The following DUS4L variants were observed in gnomAD, a reference collection of about 807,000 sequenced individuals.
DUS4L encodes dihydrouridine synthase 4 like.
A neutral mutation model predicts 33.8 loss-of-function variants in DUS4L; 31 were observed. The ratio of observed to expected loss-of-function variants is 0.92; its 90% CI spans 0.69 to 1.24. DUS4L has a LOEUF of 1.24. Among genes scored for constraint, DUS4L ranks in the 50% most tolerant of loss-of-function variants. The probability of loss-of-function intolerance (pLI) is 0.00; values close to 1 mark genes in which losing one functional copy is unlikely to be tolerated. For missense variants in DUS4L, 368 were observed against 388.6 expected (o/e 0.95, Z 0.45); for synonymous variants, 103 against 120.3 (o/e 0.86, Z 0.94).
chr7:107,575,144 C>T, intron 5 of DUS4L, 44 bp from the exon 6 acceptor site: 2 of 1,606,002 alleles, frequency 1.2e-6, no homozygotes, highest in Non-Finnish European at 1.7e-6. Flanking sequence ...GTCTTCTCTT[C>T]CAGTTATTTA....
chr7:107,576,871 C>T, intron 7 of DUS4L: 1 of 333,090 alleles, frequency 3.0e-6, no homozygotes, highest in Non-Finnish European at 5.4e-6. Flanking sequence ...TAAAATAAAG[C>T]ACCTAGAAAT....
rs1805643075 is a variant in DUS4L at position 107,575,465 on chromosome 7, A to G, written c.479+155A>G. ...AAAATAAGACATTTAGTAAAAGAAT[A>G]TATACCATAATTTTCATTTATAGTC... is the stretch of plus-strand genomic sequence containing the variant. On this transcript the variant is annotated intron_variant, in intron 6 of 7. Transcript: ENST00000265720. The G allele has an allele frequency of 5.3e-6, 4 of 754,914 alleles. No individual in the cohort carries two copies. In the South Asian group the frequency reaches 7.7e-5, roughly 15 times the overall value. 46.8% of individuals were successfully genotyped at this position (754,914 alleles called of 1,614,324 possible).
At chr7:107,569,406 TTAGCTATTC>T (rs1804997516) in intron 3 of DUS4L, among the ~76,000 whole-genome samples, 1 of 152,230 alleles carries the variant, frequency 6.6e-6, no homozygotes, top group South Asian at 2.1e-4. Flanking sequence ...CAAAATTGTT[TTAGCTATTC>T]TAGTTCCCTT....
intron 4 of DUS4L, 76 bp from the exon 5 acceptor site, chr7:107,573,628 A>T: frequency 7.0e-7 from 1 of 1,419,302 alleles, no homozygotes; most frequent in Non-Finnish European, 9.4e-7. Flanking sequence ...TATCCTGTAC[A>T]AACATTAAAG....
At chr7:107,576,658 T>G (rs1805785197) in intron 7 of DUS4L, 66 bp downstream of exon 7, 1 of 1,376,168 alleles carries the variant, frequency 7.3e-7, no homozygotes, top group Non-Finnish European at 9.9e-7. Context: ...GAAGTAATGT[T>G]AATTTGATTT....
intron 4 of DUS4L, among the ~76,000 whole-genome samples, chr7:107,572,223 A>G (rs1423762254): frequency 7.2e-5 from 11 of 152,268 alleles, no homozygotes; most frequent in Non-Finnish European, 1.3e-4. Flanking sequence ...TTGGAAATAT[A>G]TTAGACCAAT....
rs1400573507 is a variant in DUS4L at position 107,577,297 on chromosome 7, G to C, written c.707-16G>C. 1.9e-6 allele frequency: 3 copies of C among 1,613,240 alleles called. No individual in the cohort carries two copies. The highest frequency in any genetic ancestry group is 2.5e-6 in the Non-Finnish European group (3 of 1,179,288). ...TTCTTAATGTATGGACAAATATGGT[G>C]TGCTTTAATTTGTAGGTGTGATGGT... is the stretch of plus-strand genomic sequence containing the variant. On this transcript the variant is annotated splice_polypyrimidine_tract_variant and intron_variant, in intron 7 of 7. Coordinates refer to ENST00000265720, the MANE Select transcript of DUS4L (RefSeq NM_181581.3).
At chr7:107,566,835 C>G (rs1804752656) in intron 2 of DUS4L, among the ~76,000 whole-genome samples, 1 of 151,808 alleles carries the variant, frequency 6.6e-6, no homozygotes, top group Non-Finnish European at 1.5e-5. Flanking sequence ...GTTTCCACAA[C>G]TATCTTGGGT....
chr7:107,566,359 A>G (rs1352584423), intron 2 of DUS4L, among the ~76,000 whole-genome samples: 3 of 152,240 alleles, frequency 2.0e-5, no homozygotes, highest in African/African-American at 4.8e-5. Context: ...AACACTGTGA[A>G]ATAGTAGGAT....
chr7:107,567,574 T>C (rs1272524086), intron 3 of DUS4L, among the ~76,000 whole-genome samples: 1 of 152,204 alleles, frequency 6.6e-6, no homozygotes, highest in Non-Finnish European at 1.5e-5. Flanking sequence ...TTTCTTCGTA[T>C]CTTTTGCTCA....
Position 107,577,434 on chromosome 7 carries a change from G to A in DUS4L, c.828G>A (p.Met276Ile), listed in dbSNP as rs781770151. ...DIALELGTPY[M>I]CFHQHLMYMM... ...CTCTTGAACTCGGGACTCCTTACAT[G>A]TGTTTCCATCAACATTTAATGTACA... Residue 276 changes from methionine (M) to isoleucine (I), a missense_variant, in exon 8 of 8, where the codon ATG (methionine) becomes ATA (isoleucine). Coordinates refer to ENST00000265720, the MANE Select transcript of DUS4L (RefSeq NM_181581.3). 1.2e-6 allele frequency: 2 copies of A among 1,614,096 alleles called. No individual in the cohort carries two copies. The highest frequency in any genetic ancestry group is 1.7e-6 in the Non-Finnish European group (2 of 1,180,018).
At position 107,577,717 on chromosome 7, in the gene DUS4L, A is replaced by C. The variant is rs1248928737; in HGVS notation, c.*157A>C. On this transcript the variant is annotated 3_prime_UTR_variant, in exon 8 of 8. Coordinates refer to ENST00000265720, the MANE Select transcript of DUS4L (RefSeq NM_181581.3). ...AATCAGTTGTAGACACCACCCTCAGAGATTCTGATTAGGTAGATCTGGAGT... is the reference window on the plus strand; with the variant it reads ...AATCAGTTGTAGACACCACCCTCAGCGATTCTGATTAGGTAGATCTGGAGT... 8.5e-6 allele frequency: 6 copies of C among 703,984 alleles called. No homozygotes were observed. Among genetic ancestry groups the C allele is most frequent in the Non-Finnish European group, 1.1e-5 (5 of 444,282 alleles). 43.6% of individuals were successfully genotyped at this position (703,984 alleles called of 1,614,324 possible). A position where few individuals can be genotyped will look rare whatever the true frequency, so the allele number is the denominator to read the frequency against.
chr7:107,571,104 G>C (rs1805189808), intron 3 of DUS4L, 41 bp from the exon 4 acceptor site: 1 of 1,610,816 alleles, frequency 6.2e-7, no homozygotes, highest in Admixed American at 1.7e-5. Context: ...ATATGTTTGT[G>C]GTGTTTCTAA....
At chr7:107,575,773 C>A (rs1805666561) in intron 6 of DUS4L, 1 of 159,990 alleles carries the variant, frequency 6.3e-6, no homozygotes, top group Admixed American at 6.3e-5. Context: ...CTCACTGCAA[C>A]CCCTGCCTCC....
intron 5 of DUS4L, among the ~76,000 whole-genome samples, chr7:107,574,528 G>T (rs965398731): frequency 4.6e-5 from 7 of 151,992 alleles, no homozygotes; most frequent in Admixed American, 2.0e-4. Context: ...AGTAGAGACG[G>T]GGTTTCTCTA....
chr7:107,576,381 T>C lies in DUS4L; in HGVS notation c.495T>C (p.Leu165=). Residue 165 remains leucine (L), a synonymous_variant, in exon 7 of 8, where the codon CTT becomes CTC. Coordinates refer to ENST00000265720, the MANE Select transcript of DUS4L (RefSeq NM_181581.3). ...VSIKIRIHDD[L]KRTVDLCQKA... ...GAAATTGTAGGATCCATGATGACCT[T>C]AAAAGAACTGTAGATCTTTGTCAAA... The C allele has an allele frequency of 6.2e-7, 1 of 1,606,986 alleles. No individual in the cohort carries two copies. The highest frequency in any genetic ancestry group is 8.5e-7 in the Non-Finnish European group (1 of 1,178,402).
chr7:107,576,712 T>C, intron 7 of DUS4L, 120 bp downstream of exon 7: 1 of 939,364 alleles, frequency 1.1e-6, no homozygotes, highest in Non-Finnish European at 1.5e-6. Context: ...CCCATTGTAC[T>C]GTTTTAAGCT....
At chr7:107,568,307 G>A (rs1308077597) in intron 3 of DUS4L, among the ~76,000 whole-genome samples, 2 of 152,192 alleles carry the variant, frequency 1.3e-5, no homozygotes, top group African/African-American at 4.8e-5. Context: ...CACCAGCAGT[G>A]AACAAGAGTT....
Position 107,576,522 on chromosome 7 carries a change from T to G in DUS4L, c.636T>G (p.Pro212=). Residue 212 remains proline, a synonymous_variant, in exon 7 of 8, where the codon CCT becomes CCG. Coordinates refer to ENST00000265720, the MANE Select transcript of DUS4L (RefSeq NM_181581.3). The stretch of plus-strand genomic sequence containing the variant: ...TAATTAAGGAAAATATGTCTATACC[T>G]GTAATTGCTAATGGAGACATCAGAA... ...IKIIKENMSI[P]VIANGDIRSL... 1 of 1,606,952 alleles carries G rather than the reference T, an allele frequency of 6.2e-7. No homozygotes were observed. The highest frequency in any genetic ancestry group is 1.1e-5 in the South Asian group (1 of 89,218).
Sources: gnomAD v4.1 joint callset for allele counts (sites outside exome capture counted in the v4.1 genomes callset) on GRCh38, gnomAD v4.1.1 for gene constraint, MANE v1.5 for transcripts, NCBI Gene and HGNC (gene_info 2026-07-23, HGNC 2026-07-21) for gene names.